Variants in GLI2 observed in about 807,000 individuals in gnomAD.
GLI2 encodes the protein transcription activator GLI2.
In GLI2, 22 loss-of-function variants were observed where a neutral mutation model predicts 78.9. The observed-to-expected ratio is 0.28, with a 90% CI of 0.20 to 0.40. The LOEUF (loss-of-function observed/expected upper bound fraction) is 0.40, where lower values mean the gene tolerates loss of function less well. Ranked by LOEUF, GLI2 falls within the 10% of genes least tolerant of loss-of-function variation. The pLI is 1.00. For missense variants in GLI2, 2,097 were observed against 2,213.2 expected, an observed-to-expected ratio of 0.95 and a Z score of 1.05; for synonymous variants, 974 against 963.7, an observed-to-expected ratio of 1.01 and a Z score of -0.20.
chr2:120,879,165 C>T (rs1688914804), intron 2 of GLI2, among the ~76,000 whole-genome samples: 1 of 152,186 alleles, frequency 6.6e-6, no homozygotes, highest in Non-Finnish European at 1.5e-5. Flanking sequence ...GGGGCAGGGA[C>T]TTCACTTTCT....
intron 12 of GLI2, among the ~76,000 whole-genome samples, chr2:120,985,985 T>G (rs1264540074): frequency 6.6e-6 from 1 of 152,274 alleles, no homozygotes; most frequent in Non-Finnish European, 1.5e-5. Flanking sequence ...TGTGCCATAC[T>G]GGGTGCCTTC....
intron 1 of GLI2, among the ~76,000 whole-genome samples, chr2:120,744,598 G>T (rs1252569301): frequency 1.3e-5 from 2 of 152,236 alleles, no homozygotes; most frequent in East Asian, 3.8e-4. Flanking sequence ...CAGTGTGAAT[G>T]AGGGATGTGC....
rs192214727 is a variant in GLI2, at chr2:120,968,596, G to A, written c.644-118G>A. ...CCCAAGAGCCCACAGCTGGAAAGTC[G>A]GCAAAGCTAGGATTCCCATTAGACC... On this transcript the variant is annotated intron_variant, in intron 5 of 13. Transcript: ENST00000361492. The A allele has an allele frequency of 4.5e-4, 365 of 812,560 alleles. 3 individuals carry two copies. In the East Asian group the frequency reaches 7.9e-3, roughly 18 times the overall value. 50.3% of individuals were successfully genotyped at this position (812,560 alleles called of 1,614,324 possible). A position where few individuals can be genotyped will look rare whatever the true frequency, so the allele number is the denominator to read the frequency against.
intron 2 of GLI2, among the ~76,000 whole-genome samples, chr2:120,802,290 G>A (rs1214056771): frequency 5.9e-5 from 9 of 152,188 alleles, no homozygotes; most frequent in African/African-American, 1.4e-4. Flanking sequence ...GGGCTGGACC[G>A]AGCTGGACCA....
intron 2 of GLI2, among the ~76,000 whole-genome samples, chr2:120,884,488 C>T (rs1430590802): frequency 6.6e-6 from 1 of 152,202 alleles, no homozygotes; most frequent in Non-Finnish European, 1.5e-5. Context: ...CAGCATTGAG[C>T]CGTGTGTGGA....
chr2:120,862,064 T>G (rs1687928332), intron 2 of GLI2, among the ~76,000 whole-genome samples: 1 of 152,230 alleles, frequency 6.6e-6, no homozygotes, highest in Non-Finnish European at 1.5e-5. Flanking sequence ...GAGTCTTTTC[T>G]TCCTCTTTCT....
chr2:120,785,806 G>C (rs1225695510), intron 1 of GLI2, among the ~76,000 whole-genome samples: 4 of 152,198 alleles, frequency 2.6e-5, no homozygotes, highest in Non-Finnish European at 4.4e-5. Context: ...GGTCCAGCCT[G>C]CCTATCTCAC....
At chr2:120,860,236 A>T (rs746242017) in intron 2 of GLI2, among the ~76,000 whole-genome samples, 43 of 152,166 alleles carry the variant, frequency 2.8e-4, no homozygotes, top group Admixed American at 2.6e-4. Context: ...TCAGGTGTTT[A>T]GAGTAAGGTC....
At chr2:120,954,358 C>G (rs941034692) in intron 4 of GLI2, among the ~76,000 whole-genome samples, 1 of 152,032 alleles carries the variant, frequency 6.6e-6, no homozygotes, top group Non-Finnish European at 1.5e-5. Context: ...AGGCTGTGGG[C>G]GATCAGCCTG....
chr2:120,988,307 T>C lies in GLI2; in HGVS notation c.2342T>C (p.Met781Thr). 1.9e-6 allele frequency: 3 copies of C among 1,564,422 alleles called. No individual in the cohort carries two copies. The highest frequency in any genetic ancestry group is 1.7e-6 in the Non-Finnish European group (2 of 1,160,760). ...LSELSASEVT[M>T]LSQLQERRDS... ...GAGCTGTCCGCGAGCGAGGTGACCA[T>C]GCTGAGCCAGCTGCAGGAGCGCCGC... The change falls in exon 14 of 14, where the codon ATG (methionine) becomes ACG (threonine). Residue 781 changes from methionine to threonine, a missense_variant. By Grantham distance (81) the Met-to-Thr change is moderately conservative. Around this residue, in one of 5 missense-constraint regions of GLI2, gnomAD observed 1,290 missense variants for 1,261.7 expected, o/e 1.02. Transcript: ENST00000361492.
At position 120,790,865 on chromosome 2, in the gene GLI2, C is replaced by A. The variant is rs554216999; in HGVS notation, c.-30-6426C>A. On this transcript the variant is annotated intron_variant, in intron 1 of 13. Coordinates refer to ENST00000361492, the MANE Select transcript of GLI2 (RefSeq NM_001374353.1). ...TCTGAGGAGCTGGTGGAGTCCCTGA[C>A]TGTCCCCCCAGGGCCCTGCAGGCAG... Among the ~76,000 whole-genome samples the A allele has an allele frequency of 1.2e-4, 19 of 152,260 alleles. 1 individual carries two copies. In the South Asian group the frequency reaches 3.9e-3, roughly 32 times the overall value.
At chr2:120,807,416 A>G (rs1685011795) in intron 2 of GLI2, among the ~76,000 whole-genome samples, 1 of 152,090 alleles carries the variant, frequency 6.6e-6, no homozygotes, top group Non-Finnish European at 1.5e-5. Context: ...ATGGTAGTTC[A>G]GCTGTTAGTA....
At chr2:120,795,382 G>A (rs1311038959) in intron 1 of GLI2, among the ~76,000 whole-genome samples, 4 of 151,970 alleles carry the variant, frequency 2.6e-5, no homozygotes. Context: ...AATTAGCCGA[G>A]TGTGATGGCG....
Position 120,737,845 on chromosome 2 carries a change from T to C in GLI2, c.-31+1560T>C, listed in dbSNP as rs1573541822. Among the ~76,000 whole-genome samples the C allele has an allele frequency of 2.0e-5, 3 of 152,316 alleles. No homozygotes were observed. In the South Asian group the frequency reaches 6.2e-4, roughly 32 times the overall value. ...GCTCAGGGGGCTCGGTGCCAAAAAG[T>C]AAAGTAAATAAACTGTGAAATCCAA... On this transcript the variant is annotated intron_variant, in intron 1 of 13. Transcript: ENST00000361492. This position sits in a 1 kb window ranked among gnomAD's most constrained non-coding sequence, Gnocchi z 4.3.
intron 1 of GLI2, among the ~76,000 whole-genome samples, chr2:120,755,706 A>G (rs765445336): frequency 1.3e-5 from 2 of 151,908 alleles, no homozygotes; most frequent in Non-Finnish European, 2.9e-5. Context: ...TTTAAGAAGT[A>G]TTAAAGTTTT....
intron 2 of GLI2, among the ~76,000 whole-genome samples, chr2:120,832,764 C>T (rs913857583): frequency 1.3e-5 from 2 of 152,138 alleles, no homozygotes; most frequent in Non-Finnish European, 2.9e-5. Flanking sequence ...CAGGTCACGT[C>T]ACTCCCTGAG....
chr2:120,779,754 G>A (rs1336316926), intron 1 of GLI2, among the ~76,000 whole-genome samples: 2 of 152,208 alleles, frequency 1.3e-5, no homozygotes, highest in African/African-American at 4.8e-5. Context: ...GACAGGGCCG[G>A]GGTCAGACAC....
chr2:120,811,779 A>G (rs564593029), intron 2 of GLI2, among the ~76,000 whole-genome samples: 1 of 152,236 alleles, frequency 6.6e-6, no homozygotes, highest in African/African-American at 2.4e-5. Flanking sequence ...GAAGCATTCC[A>G]TACCCACAAA....
chr2:120,884,816 G>C (rs1447048261), intron 2 of GLI2, among the ~76,000 whole-genome samples: 2 of 152,166 alleles, frequency 1.3e-5, no homozygotes, highest in Non-Finnish European at 2.9e-5. Context: ...TCGCCTCCTT[G>C]CTGGGAGAGT....
Sources: allele counts gnomAD v4.1 joint callset (sites outside exome capture counted in the v4.1 genomes callset), GRCh38; gene constraint gnomAD v4.1.1; regional missense constraint gnomAD v4.1.1; non-coding constraint Gnocchi (gnomAD v3.1); transcripts MANE v1.5; gene names NCBI Gene and HGNC (gene_info 2026-07-23, HGNC 2026-07-21).